RNASE4: variants seen among roughly 807,000 people sequenced by gnomAD.
RNASE4 encodes ribonuclease 4.
For synonymous variants in RNASE4, 93 were observed against 71.4 expected (o/e 1.30, Z -1.52); for missense variants, 194 against 192.8 (o/e 1.01, Z -0.04).
intron 1 of RNASE4, among the ~76,000 whole-genome samples, chr14:20,686,882 T>C (rs902821381): frequency 6.6e-6 from 1 of 152,224 alleles, no homozygotes; most frequent in Admixed American, 6.5e-5. Context: ...TAAGACAGAA[T>C]GATACATATA....
At position 20,693,734 on chromosome 14, in the gene RNASE4, G is replaced by A. The variant is rs770840869; in HGVS notation, c.-17-5621G>A. On this transcript the variant is annotated intron_variant, in intron 1 of 1. Transcript: ENST00000555835. ...TACTGTGAAAGCATCATGAGGAGAC[G>A]GGGCCTGACCTCACCCTGCAAAGAC... The A allele has an allele frequency of 1.5e-5, 25 of 1,614,048 alleles. No individual in the cohort carries two copies. The highest frequency in any genetic ancestry group is 3.3e-5 in the South Asian group (3 of 91,084).
chr14:20,686,343 GATAATC>G (rs1886426636), intron 1 of RNASE4, among the ~76,000 whole-genome samples: 1 of 151,620 alleles, frequency 6.6e-6, no homozygotes, highest in South Asian at 2.1e-4. Context: ...GTTGAAAACA[GATAATC>G]AGGTTATAAG....
rs889978407 is a variant in RNASE4 at position 20,700,746 on chromosome 14, T to C, written c.*931T>C. 3 of 164,372 alleles carry C rather than the reference T, an allele frequency of 1.8e-5. No individual in the cohort carries two copies. The highest frequency in any genetic ancestry group is 7.2e-5 in the African/African-American group (3 of 41,450). The allele number at this position is 164,372 out of a possible 1,614,324, so 10.2% of individuals were successfully genotyped here. A position where few individuals can be genotyped will look rare whatever the true frequency, so the allele number is the denominator to read the frequency against. The stretch of plus-strand genomic sequence containing the variant: ...ATGACCACAACACAGAAGATTTGTC[T>C]CATTTACTCCAGAGAGAATGATTCC... On this transcript the variant is annotated 3_prime_UTR_variant, in exon 2 of 2. Coordinates refer to ENST00000555835, the MANE Select transcript of RNASE4 (RefSeq NM_002937.5).
chr14:20,698,893 G>C (rs11628774), intron 1 of RNASE4: 9,908 of 153,206 alleles, frequency 0.065, 453 homozygotes, highest in East Asian at 0.19. Context: ...ATTAAAAGTA[G>C]TTTGTAAACT....
chr14:20,685,152 C>T (rs938707093), intron 1 of RNASE4, among the ~76,000 whole-genome samples: 31 of 152,138 alleles, frequency 2.0e-4, no homozygotes, highest in African/African-American at 5.6e-4. Flanking sequence ...GCGTAACTAA[C>T]ATTTGGGGAT....
At chr14:20,689,746 G>A (rs1359363361) in intron 1 of RNASE4, among the ~76,000 whole-genome samples, 1 of 152,014 alleles carries the variant, frequency 6.6e-6, no homozygotes, top group Non-Finnish European at 1.5e-5. Flanking sequence ...GCGAAACCCC[G>A]TCTCTACCAA....
chr14:20,685,365 A>T (rs184293454), intron 1 of RNASE4, among the ~76,000 whole-genome samples: 3 of 152,156 alleles, frequency 2.0e-5, no homozygotes, highest in Non-Finnish European at 4.4e-5. Context: ...CTTTATTAAA[A>T]CAATTTCAGC....
intron 1 of RNASE4, among the ~76,000 whole-genome samples, chr14:20,690,775 T>A (rs1044890950): frequency 6.6e-6 from 1 of 152,176 alleles, no homozygotes; most frequent in African/African-American, 2.4e-5. Flanking sequence ...ATGAAGTCAA[T>A]TACTTAAAAA....
At position 20,699,634 on chromosome 14, in the gene RNASE4, C is replaced by T; in HGVS notation, c.263C>T (p.Thr88Ile). 2 of 1,613,394 alleles carry T rather than the reference C, an allele frequency of 1.2e-6. No homozygotes were observed. The highest frequency in any genetic ancestry group is 1.1e-5 in the South Asian group (1 of 91,082). The change falls in exon 2 of 2, where the codon ACC becomes ATC. Residue 88 changes from threonine (T) to isoleucine (I), a missense_variant. Physicochemically the swap from Thr to Ile is moderately conservative, Grantham distance 89. Transcript: ENST00000555835. ...AACATTCGTAGTATCTGCAGCACCA[C>T]CAATATCCAATGCAAGAACGGCAAG... is the stretch of plus-strand genomic sequence containing the variant. ...IWNIRSICST[T>I]NIQCKNGKMN... is the part of the protein sequence containing the mutation.
At chr14:20,698,312 T>C (rs1397574055) in intron 1 of RNASE4, among the ~76,000 whole-genome samples, 2 of 152,128 alleles carry the variant, frequency 1.3e-5, no homozygotes, top group African/African-American at 4.8e-5. Flanking sequence ...ACATCAAGAA[T>C]AGATGCAAGA....
intron 1 of RNASE4, chr14:20,693,476 G>T: frequency 1.3e-6 from 2 of 1,587,050 alleles, no homozygotes; most frequent in Non-Finnish European, 1.7e-6. Flanking sequence ...AGAGAGCAAA[G>T]CTCCTGTCCT....
At chr14:20,699,304 C>G in intron 1 of RNASE4, 51 bp from the exon 2 acceptor site, 1 of 1,467,372 alleles carries the variant, frequency 6.8e-7, no homozygotes, top group Non-Finnish European at 9.1e-7. Flanking sequence ...ACACCTTTTT[C>G]CAGTGCCCAG....
chr14:20,685,546 C>A (rs953475979), intron 1 of RNASE4, among the ~76,000 whole-genome samples: 1 of 152,186 alleles, frequency 6.6e-6, no homozygotes, highest in African/African-American at 2.4e-5. Flanking sequence ...CTTACTTAAC[C>A]ACAGAGCCAC....
At chr14:20,695,255 C>T (rs944116234) in intron 1 of RNASE4, among the ~76,000 whole-genome samples, 15 of 151,982 alleles carry the variant, frequency 9.9e-5, no homozygotes, top group African/African-American at 3.6e-4. Flanking sequence ...ATTAGCTGGG[C>T]GTGGTGGCAC....
intron 1 of RNASE4, among the ~76,000 whole-genome samples, chr14:20,689,644 T>G (rs1052675549): frequency 3.3e-5 from 5 of 152,154 alleles, no homozygotes; most frequent in African/African-American, 1.2e-4. Flanking sequence ...GGGCCAGGTG[T>G]GGTGGCTCAC....
intron 1 of RNASE4, among the ~76,000 whole-genome samples, chr14:20,687,743 T>C (rs940299050): frequency 2.0e-5 from 3 of 152,216 alleles, no homozygotes; most frequent in African/African-American, 7.2e-5. Context: ...AAATGAAAGA[T>C]TGCACTGAAT....
chr14:20,699,859 T>C lies in RNASE4; in HGVS notation c.*44T>C, dbSNP rs754186891. ...TATCGCGAGTGGTTGACCTTACACT[T>C]ACTCCTTAAATAGCAGTGAGTAATG... On this transcript the variant is annotated 3_prime_UTR_variant, in exon 2 of 2. Transcript: ENST00000555835. 1.3e-6 allele frequency: 2 copies of C among 1,538,594 alleles called. No homozygotes were observed. The highest frequency in any genetic ancestry group is 2.3e-5 in the South Asian group (2 of 86,850).
rs915755599 is a variant in RNASE4, at chr14:20,693,721, A to G, written c.-17-5634A>G. 6.8e-6 allele frequency: 11 copies of G among 1,614,130 alleles called. No homozygotes were observed. In the African/African-American group the frequency reaches 1.2e-4, roughly 18 times the overall value. ...CCGGGATGACAGATACTGTGAAAGC[A>G]TCATGAGGAGACGGGGCCTGACCTC... On this transcript the variant is annotated intron_variant, in intron 1 of 1. Coordinates refer to ENST00000555835, the MANE Select transcript of RNASE4 (RefSeq NM_002937.5).
intron 1 of RNASE4, among the ~76,000 whole-genome samples, chr14:20,686,509 T>C (rs1344472340): frequency 6.6e-6 from 1 of 152,264 alleles, no homozygotes; most frequent in Non-Finnish European, 1.5e-5. Flanking sequence ...AAGCAGATTC[T>C]CTGTAATTCT....
Sources: gnomAD v4.1 joint callset for allele counts (sites outside exome capture counted in the v4.1 genomes callset) on GRCh38, gnomAD v4.1.1 for gene constraint, MANE v1.5 for transcripts, NCBI Gene and HGNC (gene_info 2026-07-23, HGNC 2026-07-21) for gene names.